NGF: variants seen among roughly 807,000 people sequenced by gnomAD.
NGF encodes the protein nerve growth factor.
Under a neutral mutation model 12.8 loss-of-function variants are expected in NGF, and 4 were observed. The observed-to-expected ratio is 0.31, with a 90% CI of 0.15 to 0.72. The LOEUF (loss-of-function observed/expected upper bound fraction) is 0.72, where lower values mean the gene tolerates loss of function less well. Ranked by LOEUF, NGF falls within the 30% of genes least tolerant of loss-of-function variation. The pLI is 0.69. For missense variants in NGF, 283 were observed against 330.8 expected (o/e 0.86, Z 1.12); for synonymous variants, 140 against 130.0 (o/e 1.08, Z -0.52).
At chr1:115,323,834 G>A (rs1382729508) in intron 1 of NGF, among the ~76,000 whole-genome samples, 1 of 152,158 alleles carries the variant, frequency 6.6e-6, no homozygotes, top group Non-Finnish European at 1.5e-5. Flanking sequence ...CCAGAGTTAT[G>A]AGTAAGTGTC....
intron 1 of NGF, among the ~76,000 whole-genome samples, chr1:115,298,428 G>A (rs1408937575): frequency 1.3e-5 from 2 of 152,032 alleles, no homozygotes; most frequent in Non-Finnish European, 2.9e-5. Flanking sequence ...CAGAGAGAGG[G>A]GATTCAGGGG....
intron 2 of NGF, among the ~76,000 whole-genome samples, chr1:115,290,732 G>C (rs189429563): frequency 2.6e-5 from 4 of 152,148 alleles, no homozygotes; most frequent in Non-Finnish European, 5.9e-5. Flanking sequence ...TATTCTCTTA[G>C]GGCTGTTGTA....
chr1:115,308,874 G>A (rs1654270173), intron 1 of NGF, among the ~76,000 whole-genome samples: 1 of 152,130 alleles, frequency 6.6e-6, no homozygotes, highest in African/African-American at 2.4e-5. Flanking sequence ...CCATTCATCA[G>A]TCAGAGTTGG....
intron 1 of NGF, among the ~76,000 whole-genome samples, chr1:115,300,199 G>A (rs1289184652): frequency 6.6e-6 from 1 of 152,132 alleles, no homozygotes; most frequent in African/African-American, 2.4e-5. Flanking sequence ...ACTATAATGC[G>A]ATTCAGATGT....
chr1:115,333,984 C>G (rs887421706), intron 1 of NGF, among the ~76,000 whole-genome samples: 15 of 151,938 alleles, frequency 9.9e-5, no homozygotes, highest in African/African-American at 3.6e-4. Context: ...AGACATTATT[C>G]ATTTTAACCC....
intron 1 of NGF, among the ~76,000 whole-genome samples, chr1:115,309,247 T>C (rs1284797502): frequency 6.6e-6 from 1 of 152,194 alleles, no homozygotes; most frequent in Non-Finnish European, 1.5e-5. Flanking sequence ...CTTGGTAATA[T>C]GAGAATAAAA....
intron 1 of NGF, among the ~76,000 whole-genome samples, chr1:115,309,302 T>A (rs982046742): frequency 7.9e-5 from 12 of 152,198 alleles, no homozygotes; most frequent in African/African-American, 2.9e-4. Flanking sequence ...CACAGGGGAA[T>A]AAAGACTAGA....
intron 1 of NGF, among the ~76,000 whole-genome samples, chr1:115,317,443 T>C (rs1166176019): frequency 1.3e-5 from 2 of 152,198 alleles, no homozygotes; most frequent in Non-Finnish European, 2.9e-5. Flanking sequence ...CTTTTGGAGC[T>C]TAAAAGCCAG....
chr1:115,295,166 G>A (rs917269639), intron 1 of NGF, among the ~76,000 whole-genome samples: 4 of 152,052 alleles, frequency 2.6e-5, no homozygotes, highest in Admixed American at 1.3e-4. Flanking sequence ...AGCCACCATC[G>A]CTCCCCAAAT....
chr1:115,312,871 T>C (rs918580731), intron 1 of NGF, among the ~76,000 whole-genome samples: 10 of 152,240 alleles, frequency 6.6e-5, no homozygotes, highest in African/African-American at 2.4e-4. Flanking sequence ...CAGCTTTCTT[T>C]ACTCAGAGCT....
intron 1 of NGF, among the ~76,000 whole-genome samples, chr1:115,333,158 AGAGGGGAG>A (rs1654969895): frequency 6.6e-6 from 1 of 152,170 alleles, no homozygotes; most frequent in African/African-American, 2.4e-5. Flanking sequence ...AACTGCACAC[AGAGGGGAG>A]GTGACCTATA....
chr1:115,288,922 GC>G (rs1485199552), intron 2 of NGF, among the ~76,000 whole-genome samples: 1 of 152,148 alleles, frequency 6.6e-6, no homozygotes, highest in African/African-American at 2.4e-5. Flanking sequence ...CTGTTTTAAG[GC>G]AACACATTCT....
At chr1:115,312,492 G>T (rs1039297742) in intron 1 of NGF, among the ~76,000 whole-genome samples, 7 of 152,188 alleles carry the variant, frequency 4.6e-5, no homozygotes, top group African/African-American at 1.7e-4. Flanking sequence ...AACAACTTGG[G>T]ATATAAATTT....
chr1:115,325,040 T>C (rs936296756), intron 1 of NGF, among the ~76,000 whole-genome samples: 19 of 152,222 alleles, frequency 1.2e-4, no homozygotes, highest in Non-Finnish European at 8.8e-5. Context: ...GATGGGGGAA[T>C]AGAGTGGCAG....
rs1208109203 is a variant in NGF at position 115,312,776 on chromosome 1, T to G, written c.-136-19026A>C. The stretch of plus-strand genomic sequence containing the variant: ...GAAGTCACAGAAATGTTTAAATCAG[T>G]GTTTCCCACCCCTGGAACATCAAAA... On this transcript the variant is annotated intron_variant, in intron 1 of 2. Coordinates refer to ENST00000369512, the MANE Select transcript of NGF (RefSeq NM_002506.3). Among the ~76,000 whole-genome samples the G allele has an allele frequency of 2.0e-5, 3 of 152,172 alleles. No individual in the cohort carries two copies. In the East Asian group the frequency reaches 5.8e-4, roughly 29 times the overall value.
At chr1:115,293,874 C>G (rs1653783472) in intron 1 of NGF, 124 bp from the exon 2 acceptor site, 1 of 152,638 alleles carries the variant, frequency 6.6e-6, no homozygotes, top group Admixed American at 6.5e-5. Context: ...TTACCAGCAT[C>G]AAGGCCCAGG....
Position 115,286,763 on chromosome 1 carries a change from A to G in NGF, c.33T>C (p.Ala11=). 6.2e-7 allele frequency: 1 copy of G among 1,614,184 alleles called. No homozygotes were observed. Among genetic ancestry groups the G allele is most frequent in the Non-Finnish European group, 8.5e-7 (1 of 1,180,044 alleles). Residue 11 remains alanine, a synonymous_variant, in exon 3 of 3, where the codon GCT becomes GCC. Coordinates refer to ENST00000369512, the MANE Select transcript of NGF (RefSeq NM_002506.3). ...GTTCCGCCTGTATGCCGATCAGAAAAGCTGTGATCAGAGTGTAGAACAACA... is the reference window on the plus strand; with the variant it reads ...GTTCCGCCTGTATGCCGATCAGAAAGGCTGTGATCAGAGTGTAGAACAACA... MSMLFYTLIT[A]FLIGIQAEPH...
rs1282002116 is a variant in NGF at position 115,337,276 on chromosome 1, T to G, written c.-137+928A>C. On this transcript the variant is annotated intron_variant, in intron 1 of 2. Coordinates refer to ENST00000369512, the MANE Select transcript of NGF (RefSeq NM_002506.3). Reference sequence around the variant, plus strand: ...TTTTTGTTTTGTTTTTGTTTTTTTTTTTTTTTTTTTTTTTTTTTTTTTTTT... The same window carrying G: ...TTTTTGTTTTGTTTTTGTTTTTTTTGTTTTTTTTTTTTTTTTTTTTTTTTT... Among the ~76,000 whole-genome samples the G allele has an allele frequency of 4.7e-3, 347 of 74,274 alleles. 21 individuals carry two copies. The highest frequency in any genetic ancestry group is 9.5e-3 in the African/African-American group (203 of 21,350). 48.7% of individuals were successfully genotyped at this position (74,274 alleles called of 152,430 possible).
intron 2 of NGF, among the ~76,000 whole-genome samples, chr1:115,289,081 G>T (rs1275174753): frequency 1.3e-5 from 2 of 152,178 alleles, no homozygotes; most frequent in Non-Finnish European, 2.9e-5. Flanking sequence ...TGCAAAGGAG[G>T]CAATGGCATA....
Sources: allele counts gnomAD v4.1 joint callset (sites outside exome capture counted in the v4.1 genomes callset), GRCh38; gene constraint gnomAD v4.1.1; transcripts MANE v1.5; gene names NCBI Gene and HGNC (gene_info 2026-07-23, HGNC 2026-07-21).